DNAI3: variants seen among roughly 807,000 people sequenced by gnomAD.
DNAI3 encodes dynein axonemal intermediate chain 3.
A neutral mutation model predicts 115.5 loss-of-function variants in DNAI3; 83 were observed. The observed-to-expected ratio is 0.72, with a 90% confidence interval of 0.60 to 0.86. The LOEUF (loss-of-function observed/expected upper bound fraction) is 0.86, where lower values mean the gene tolerates loss of function less well. Ranked by LOEUF, DNAI3 falls within the 40% of genes least tolerant of loss-of-function variation. The pLI is 0.00. For synonymous variants in DNAI3, 320 were observed against 347.0 expected (o/e 0.92, Z 0.86); for missense variants, 1,004 against 1,075.8 (o/e 0.93, Z 0.93).
chr1:85,100,597 A>G (rs1655268102), intron 13 of DNAI3, among the ~76,000 whole-genome samples: 1 of 152,310 alleles, frequency 6.6e-6, no homozygotes, highest in South Asian at 2.1e-4. Context: ...TAGAAATACC[A>G]TTTGACCCAG....
chr1:85,133,088 A>ATG lies in DNAI3; in HGVS notation c.*90_*91insTG. ...TGGCATGCTGAACATATATATATAT[A>ATG]GGCTCATTTATAGACTTTTATTTCC... On this transcript the variant is annotated 3_prime_UTR_variant, in exon 23 of 23. Transcript: ENST00000294664. 1 of 1,324,538 alleles carries ATG rather than the reference A, an allele frequency of 7.5e-7. No individual in the cohort carries two copies. Among genetic ancestry groups the ATG allele is most frequent in the South Asian group, 1.8e-5 (1 of 56,214 alleles). 82.0% of individuals were successfully genotyped at this position (1,324,538 alleles called of 1,614,324 possible).
At chr1:85,093,817 C>T (rs1387220656) in intron 9 of DNAI3, 169 bp downstream of exon 9, 2 of 766,352 alleles carry the variant, frequency 2.6e-6, no homozygotes, top group African/African-American at 1.7e-5. Context: ...CATGTGTCCT[C>T]CCAACAACCC....
At chr1:85,113,965 T>C (rs536763502) in intron 16 of DNAI3, among the ~76,000 whole-genome samples, 83 of 152,182 alleles carry the variant, frequency 5.5e-4, no homozygotes, top group African/African-American at 1.8e-3. Flanking sequence ...TACTTAAATT[T>C]TTTTAATTTC....
intron 16 of DNAI3, among the ~76,000 whole-genome samples, chr1:85,113,161 T>G (rs1655707806): frequency 6.6e-6 from 1 of 152,248 alleles, no homozygotes; most frequent in Non-Finnish European, 1.5e-5. Flanking sequence ...TTTTTAAATA[T>G]TTTCTCCTAG....
chr1:85,107,354 G>C (rs1655518891), intron 14 of DNAI3, among the ~76,000 whole-genome samples: 1 of 152,164 alleles, frequency 6.6e-6, no homozygotes. Flanking sequence ...GTACTGATGA[G>C]TGGATACATA....
At chr1:85,108,208 G>A (rs766901875) in intron 15 of DNAI3, 31 bp downstream of exon 15, 1 of 1,545,660 alleles carries the variant, frequency 6.5e-7, no homozygotes, top group East Asian at 2.3e-5. Context: ...AGTCCATCCT[G>A]CTTGCATAAT....
At chr1:85,097,167 CCTT>C (rs1655149875) in intron 11 of DNAI3, among the ~76,000 whole-genome samples, 2 of 151,958 alleles carry the variant, frequency 1.3e-5, no homozygotes, top group South Asian at 4.2e-4. Context: ...CACTTCCCAG[CCTT>C]CTTTGGACAG....
chr1:85,106,889 T>C (rs1421413737), intron 14 of DNAI3, among the ~76,000 whole-genome samples: 1 of 152,186 alleles, frequency 6.6e-6, no homozygotes, highest in African/African-American at 2.4e-5. Context: ...TAAAATGGAA[T>C]AATGACCTAA....
intron 20 of DNAI3, among the ~76,000 whole-genome samples, chr1:85,127,961 A>T (rs553087749): frequency 6.6e-6 from 1 of 151,784 alleles, no homozygotes; most frequent in African/African-American, 2.4e-5. Context: ...CTCTACAAAA[A>T]ATACAAAACA....
chr1:85,127,814 T>C (rs1196490867), intron 20 of DNAI3, among the ~76,000 whole-genome samples: 2 of 152,076 alleles, frequency 1.3e-5, no homozygotes, highest in East Asian at 1.9e-4. Flanking sequence ...CACAGTGAGA[T>C]AGAAAATTAC....
intron 16 of DNAI3, among the ~76,000 whole-genome samples, 185 bp from the exon 17 acceptor site, chr1:85,117,544 G>A (rs745391886): frequency 1.3e-5 from 2 of 152,172 alleles, no homozygotes; most frequent in Non-Finnish European, 2.9e-5. Flanking sequence ...TTGATGTTTG[G>A]TTTGGAACAA....
At chr1:85,125,192 G>A (rs1417095342) in intron 19 of DNAI3, among the ~76,000 whole-genome samples, 1 of 151,996 alleles carries the variant, frequency 6.6e-6, no homozygotes, top group Non-Finnish European at 1.5e-5. Flanking sequence ...TCTTTGATGA[G>A]CAATTTGAGA....
chr1:85,078,039 C>T (rs1571159777), intron 3 of DNAI3, among the ~76,000 whole-genome samples: 1 of 152,038 alleles, frequency 6.6e-6, no homozygotes, highest in Non-Finnish European at 1.5e-5. Context: ...TTGAGTCTGC[C>T]TTTGGTTCCT....
intron 22 of DNAI3, among the ~76,000 whole-genome samples, chr1:85,131,004 G>A (rs1301853947): frequency 1.3e-5 from 2 of 152,152 alleles, no homozygotes; most frequent in Non-Finnish European, 1.5e-5. Context: ...GATCACCTCA[G>A]TCTCAATTTC....
intron 3 of DNAI3, among the ~76,000 whole-genome samples, chr1:85,077,289 C>A (rs925630011): frequency 1.3e-5 from 2 of 152,034 alleles, no homozygotes; most frequent in African/African-American, 2.4e-5. Context: ...ATACCTCACA[C>A]CATACACAAA....
intron 3 of DNAI3, among the ~76,000 whole-genome samples, chr1:85,074,922 A>G (rs999404877): frequency 5.9e-5 from 9 of 152,248 alleles, no homozygotes; most frequent in African/African-American, 2.2e-4. Context: ...TAAATAAATG[A>G]GTGAATGAGT....
At chr1:85,125,604 T>A (rs17385079) in intron 19 of DNAI3, among the ~76,000 whole-genome samples, 41,868 of 151,916 alleles carry the variant, frequency 0.28, 7,079 homozygotes, top group Non-Finnish European at 0.36. Context: ...CAGGCATGAT[T>A]GTCCAAAGAC....
In DNAI3 at chr1:85,132,908, T is replaced by C. The variant is rs2100623862; in HGVS notation, c.2586T>C (p.Tyr862=). 1 of 1,612,988 alleles carries C rather than the reference T, an allele frequency of 6.2e-7. No homozygotes were observed. The highest frequency in any genetic ancestry group is 1.1e-5 in the South Asian group (1 of 91,054). ...EQMQAELKMD[Y]ESYLELEKTV... ...TGCAGGCTGAATTAAAAATGGACTA[T>C]GAGAGTTATCTGGAACTGGAAAAGA... The change falls in exon 23 of 23, where the codon TAT becomes TAC. Residue 862 remains tyrosine, a synonymous_variant. Transcript: ENST00000294664.
intron 13 of DNAI3, among the ~76,000 whole-genome samples, chr1:85,101,897 C>A (rs544335158): frequency 8.7e-4 from 132 of 151,754 alleles, no homozygotes; most frequent in African/African-American, 2.9e-3. Context: ...ATATAAATTT[C>A]TAAATTAAGA....
Sources: allele counts gnomAD v4.1 joint callset (sites outside exome capture counted in the v4.1 genomes callset), GRCh38; gene constraint gnomAD v4.1.1; transcripts MANE v1.5; gene names NCBI Gene and HGNC (gene_info 2026-07-23, HGNC 2026-07-21).